PCDHGA2: variants seen among roughly 807,000 people sequenced by gnomAD.
PCDHGA2 encodes protocadherin gamma subfamily A, 2.
PCDHGA2 carries 40 observed loss-of-function variants against 59.2 expected under a neutral mutation model. That is an observed-to-expected ratio of 0.68 (90% CI 0.52 to 0.88). The LOEUF (loss-of-function observed/expected upper bound fraction) is 0.88, where lower values mean the gene tolerates loss of function less well. Among genes scored for constraint, PCDHGA2 ranks in the 40% least tolerant of loss-of-function variants. The pLI is 0.00. For synonymous variants in PCDHGA2, 560 were observed against 526.0 expected (o/e 1.06, Z -0.89); for missense variants, 1,226 against 1,204.0 (o/e 1.02, Z -0.27).
At chr5:141,352,689 G>C (rs889456769) in intron 1 of PCDHGA2, 9 of 1,560,606 alleles carry the variant, frequency 5.8e-6, no homozygotes, top group South Asian at 1.2e-5. Context: ...TGCAAATCTA[G>C]TTAAATTTTA....
chr5:141,345,468 C>A (rs760591099), intron 1 of PCDHGA2: 1 of 1,614,138 alleles, frequency 6.2e-7, no homozygotes, highest in East Asian at 2.2e-5. Flanking sequence ...AGCCCAGGAC[C>A]CAGATAGCAA....
rs748349148 is a variant in PCDHGA2 at position 141,356,186 on chromosome 5, C to A, written c.2424+14791C>A. ...GCCCATGATGGGCCTGGTCTCCGAG[C>A]TAGAAGCAAGGTACTGGTGACAGTT... is the stretch of plus-strand genomic sequence containing the variant. On this transcript the variant is annotated intron_variant, in intron 1 of 3. Coordinates refer to ENST00000394576, the MANE Select transcript of PCDHGA2 (RefSeq NM_018915.4). 4 of 1,611,094 alleles carry A rather than the reference C, an allele frequency of 2.5e-6. No individual in the cohort carries two copies. The Admixed American group carries it at 6.7e-5, about 27-fold the overall frequency.
At chr5:141,383,749 A>G in intron 1 of PCDHGA2, 1 of 1,614,008 alleles carries the variant, frequency 6.2e-7, no homozygotes, top group South Asian at 1.1e-5. Context: ...TTTTCGGAAA[A>G]TAACTCCTAA....
At chr5:141,362,759 A>G in intron 1 of PCDHGA2, 3 of 647,296 alleles carry the variant, frequency 4.6e-6, no homozygotes, top group Non-Finnish European at 7.8e-6. Flanking sequence ...AACCTTTATC[A>G]CATGAGATAT....
At chr5:141,400,017 C>T in intron 1 of PCDHGA2, 1 of 1,612,778 alleles carries the variant, frequency 6.2e-7, no homozygotes. Context: ...CCTTGGGCGA[C>T]AGGGACGCGG....
rs1757778136 is a variant in PCDHGA2 at position 141,346,615 on chromosome 5, C to T, written c.2424+5220C>T. On this transcript the variant is annotated intron_variant, in intron 1 of 3. Coordinates refer to ENST00000394576, the MANE Select transcript of PCDHGA2 (RefSeq NM_018915.4). ...CTTTCTTTCTGGGCCTATAGTAGGACTGCACTCCCCGGTCTGGTTATGGTT... is the reference window on the plus strand; with the variant it reads ...CTTTCTTTCTGGGCCTATAGTAGGATTGCACTCCCCGGTCTGGTTATGGTT... 3.7e-6 allele frequency: 4 copies of T among 1,090,316 alleles called. No individual in the cohort carries two copies. In the South Asian group the frequency reaches 6.7e-5, roughly 18 times the overall value. The allele number at this position is 1,090,316 out of a possible 1,614,324, so 67.5% of individuals were successfully genotyped here.
chr5:141,454,503 T>A (rs988138847), intron 1 of PCDHGA2, among the ~76,000 whole-genome samples: 1 of 152,308 alleles, frequency 6.6e-6, no homozygotes, highest in Non-Finnish European at 1.5e-5. Flanking sequence ...ACCTCCTGGA[T>A]TCAGGCAGTT....
rs1485669709 is a variant in PCDHGA2 at position 141,432,989 on chromosome 5, G to A, written c.2425-61818G>A. On this transcript the variant is annotated intron_variant, in intron 1 of 3. Coordinates refer to ENST00000394576, the MANE Select transcript of PCDHGA2 (RefSeq NM_018915.4). The surrounding 1 kb of genome is among the most constrained non-coding windows in gnomAD (Gnocchi z 6.0). ...GCCGGCGTCGCACTTTGTGGGCGTG[G>A]ACGGGGTGCAGGCTTTCCTGCAGAC... The A allele has an allele frequency of 1.9e-6, 3 of 1,614,210 alleles. No individual in the cohort carries two copies. The highest frequency in any genetic ancestry group is 1.3e-5 in the African/African-American group (1 of 75,066).
At chr5:141,446,079 A>T (rs2098487021) in intron 1 of PCDHGA2, among the ~76,000 whole-genome samples, 1 of 152,234 alleles carries the variant, frequency 6.6e-6, no homozygotes, top group Non-Finnish European at 1.5e-5. Context: ...CAGTGGATGT[A>T]GAAATAAATG....
At chr5:141,391,471 C>G (rs2092375745) in intron 1 of PCDHGA2, 1 of 152,152 alleles carries the variant, frequency 6.6e-6, no homozygotes, top group Non-Finnish European at 1.5e-5. Flanking sequence ...GCCACCAGAC[C>G]TGGCTAATTT....
At chr5:141,383,051 A>T in intron 1 of PCDHGA2, 2 of 1,613,872 alleles carry the variant, frequency 1.2e-6, no homozygotes, top group Non-Finnish European at 1.7e-6. Context: ...ATCGCCAAGG[A>T]CCTGGGGCTG....
At chr5:141,466,104 AGAGT>A (rs2154569127) in intron 1 of PCDHGA2, among the ~76,000 whole-genome samples, 1 of 152,144 alleles carries the variant, frequency 6.6e-6, no homozygotes, top group Admixed American at 6.5e-5. Flanking sequence ...CCTGGGCAAC[AGAGT>A]GAGACTCCAG....
At chr5:141,402,580 T>C (rs1217508250) in intron 1 of PCDHGA2, among the ~76,000 whole-genome samples, 3 of 152,226 alleles carry the variant, frequency 2.0e-5, no homozygotes, top group South Asian at 4.1e-4. Context: ...CTCAGATATC[T>C]AAAAAATAGA....
At chr5:141,434,136 TC>T (rs2097674430) in intron 1 of PCDHGA2, among the ~76,000 whole-genome samples, 1 of 152,246 alleles carries the variant, frequency 6.6e-6, no homozygotes, top group Non-Finnish European at 1.5e-5. Context: ...TAGGCTGATT[TC>T]TATGTCCTTT....
At chr5:141,458,081 G>A (rs765008628) in intron 1 of PCDHGA2, among the ~76,000 whole-genome samples, 62 of 152,186 alleles carry the variant, frequency 4.1e-4, no homozygotes, top group East Asian at 1.9e-4. Flanking sequence ...CTATATTGCC[G>A]TAAGTTAAGA....
At chr5:141,385,492 A>T in intron 1 of PCDHGA2, 15 of 1,394,884 alleles carry the variant, frequency 1.1e-5, no homozygotes, top group Non-Finnish European at 1.4e-5. Flanking sequence ...AACACATAGG[A>T]TATAGTATTT....
intron 1 of PCDHGA2, chr5:141,355,150 G>C (rs754814778): frequency 1.9e-6 from 3 of 1,547,684 alleles, no homozygotes; most frequent in African/African-American, 2.7e-5. Context: ...GGCTCCTCAG[G>C]CCTCGACAGA....
In PCDHGA2 at chr5:141,487,086, TCCCACCACAGAAG is replaced by T. The variant is rs2099639456; in HGVS notation, c.2425-7719_2425-7707del. 6.2e-7 allele frequency: 1 copy of T among 1,613,822 alleles called. No homozygotes were observed. ...ACGGCTGTTCCTATCCCAGCTGACC[TCCCACCACAGAAG>T]CTGGTCATTGTGGTAAAGGATAGTG... On this transcript the variant is annotated intron_variant, in intron 1 of 3. Coordinates refer to ENST00000394576, the MANE Select transcript of PCDHGA2 (RefSeq NM_018915.4). The surrounding 1 kb of genome is among the most constrained non-coding windows in gnomAD (Gnocchi z 5.0).
intron 1 of PCDHGA2, among the ~76,000 whole-genome samples, chr5:141,380,589 G>C (rs1372737584): frequency 6.6e-6 from 1 of 152,156 alleles, no homozygotes; most frequent in South Asian, 2.1e-4. Flanking sequence ...GTCTAGTAAA[G>C]ATCTTTAATA....
Sources: gnomAD v4.1 joint callset for allele counts (sites outside exome capture counted in the v4.1 genomes callset) on GRCh38, gnomAD v4.1.1 for gene constraint, Gnocchi (gnomAD v3.1) non-coding constraint, MANE v1.5 for transcripts, NCBI Gene and HGNC (gene_info 2026-07-23, HGNC 2026-07-21) for gene names.